The following RGPD2 variants were observed in gnomAD, a reference collection of about 807,000 sequenced individuals.
RGPD2 encodes RANBP2-like and GRIP domain-containing protein 2.
Under a neutral mutation model 36.0 loss-of-function variants are expected in RGPD2, and 2 were observed. The observed-to-expected ratio is 0.06, with a 90% CI of 0.02 to 0.17. RGPD2 has a LOEUF of 0.17. Among genes scored for constraint, RGPD2 ranks in the 10% least tolerant of loss-of-function variants. The probability of loss-of-function intolerance (pLI) is 1.00; values close to 1 mark genes in which losing one functional copy is unlikely to be tolerated. For synonymous variants in RGPD2, 19 were observed against 163.8 expected, an observed-to-expected ratio of 0.12 and a Z score of 6.75; for missense variants, 40 against 464.3, an observed-to-expected ratio of 0.09 and a Z score of 8.40.
chr2:87,977,664 T>C, the RGPD2 span, among the ~76,000 whole-genome samples: 1 of 149,402 alleles, frequency 6.7e-6, no homozygotes, highest in Non-Finnish European at 1.5e-5. Flanking sequence ...GAGAAAAAAA[T>C]TATGCATTCT....
chr2:87,936,401 TATC>T, the RGPD2 span, among the ~76,000 whole-genome samples: 1 of 136,058 alleles, frequency 7.3e-6, no homozygotes, highest in Non-Finnish European at 1.6e-5. Flanking sequence ...ATACAACCTA[TATC>T]ATCACTTTTA....
chr2:87,929,547 A>G, the RGPD2 span, among the ~76,000 whole-genome samples: 1 of 150,320 alleles, frequency 6.7e-6, no homozygotes, highest in South Asian at 2.1e-4. Flanking sequence ...TTGGCTATTC[A>G]GGCTCCTTTT....
the RGPD2 span, among the ~76,000 whole-genome samples, chr2:87,839,329 A>G: frequency 2.0e-5 from 3 of 152,178 alleles, no homozygotes; most frequent in African/African-American, 7.2e-5. Context: ...ATGAGATACC[A>G]TCTAATAACA....
chr2:87,825,751 G>C lies in RGPD2; in HGVS notation c.-22C>G, dbSNP rs762992824. On this transcript the variant is annotated 5_prime_UTR_variant, in exon 1 of 23. Coordinates refer to ENST00000398146, the MANE Select transcript of RGPD2 (RefSeq NM_001078170.3). ...TCATCGCACCGCCAACCTGGCTCCCGAGACGCGTGAAACCAGCGCTCAGCC... is the reference window on the plus strand; with the variant it reads ...TCATCGCACCGCCAACCTGGCTCCCCAGACGCGTGAAACCAGCGCTCAGCC... 5.0e-6 allele frequency: 8 copies of C among 1,585,886 alleles called. No individual in the cohort carries two copies. The highest frequency in any genetic ancestry group is 3.4e-5 in the South Asian group (3 of 87,342).
At chr2:87,930,595 GA>G in the RGPD2 span, among the ~76,000 whole-genome samples, 1 of 151,626 alleles carries the variant, frequency 6.6e-6, no homozygotes, top group Non-Finnish European at 1.5e-5. Context: ...ATGAGTTAGG[GA>G]GGAGTTTCTT....
At chr2:87,888,181 A>G in the RGPD2 span, among the ~76,000 whole-genome samples, 1 of 151,814 alleles carries the variant, frequency 6.6e-6, no homozygotes, top group Non-Finnish European at 1.5e-5. Flanking sequence ...TGCAACAGAA[A>G]CACATGAATG....
the RGPD2 span, among the ~76,000 whole-genome samples, chr2:87,977,858 G>A: frequency 2.0e-4 from 31 of 152,226 alleles, no homozygotes; most frequent in Non-Finnish European, 3.2e-4. Context: ...GCTCACGCCT[G>A]TAATCCCAAA....
chr2:87,827,171 GAAT>G (rs1342318917), upstream of RGPD2, among the ~76,000 whole-genome samples: 1 of 152,072 alleles, frequency 6.6e-6, no homozygotes, highest in Non-Finnish European at 1.5e-5. Context: ...GAGTTAAAAA[GAAT>G]AATGTGTGTA....
the RGPD2 span, among the ~76,000 whole-genome samples, chr2:87,951,643 G>T: frequency 2.6e-5 from 4 of 151,166 alleles, no homozygotes; most frequent in Non-Finnish European, 4.4e-5. Flanking sequence ...CCTGGCTGGA[G>T]TGCAATGGTG....
At chr2:87,870,598 C>T in the RGPD2 span, among the ~76,000 whole-genome samples, 28 of 152,164 alleles carry the variant, frequency 1.8e-4, no homozygotes, top group Admixed American at 9.8e-4. Context: ...TGACATTTGG[C>T]GACCCTACTC....
chr2:87,985,655 T>C, the RGPD2 span: 1 of 1,338,592 alleles, frequency 7.5e-7, no homozygotes, highest in Non-Finnish European at 1.1e-6. Context: ...GTAGTCTCAA[T>C]GTTATATTAC....
chr2:87,948,507 C>T, the RGPD2 span, among the ~76,000 whole-genome samples: 5 of 149,316 alleles, frequency 3.3e-5, no homozygotes, highest in African/African-American at 4.9e-5. Flanking sequence ...TCAGCCTCCC[C>T]GGTAGCTGGG....
the RGPD2 span, among the ~76,000 whole-genome samples, chr2:87,874,051 T>C: frequency 6.6e-6 from 1 of 151,640 alleles, no homozygotes; most frequent in African/African-American, 2.4e-5. Flanking sequence ...TCTGTTCATG[T>C]CCTTTGCCTA....
intron 1 of RGPD2, 97 bp downstream of exon 1, chr2:87,825,556 AGGTCG>A (rs1162222679): frequency 1.2e-6 from 1 of 839,602 alleles, no homozygotes; most frequent in Non-Finnish European, 1.4e-6. Context: ...CCGCCCGGCC[AGGTCG>A]AGGCCGCCGC....
the RGPD2 span, among the ~76,000 whole-genome samples, chr2:87,958,976 CTG>C: frequency 9.2e-6 from 1 of 108,508 alleles, no homozygotes; most frequent in East Asian, 2.7e-4. Context: ...TGTTTGTTAA[CTG>C]TAAATTTCCA....
the RGPD2 span, among the ~76,000 whole-genome samples, chr2:87,886,102 G>C: frequency 6.6e-6 from 1 of 151,718 alleles, no homozygotes; most frequent in African/African-American, 2.4e-5. Context: ...TAACATCTCT[G>C]AATTCATTAA....
the RGPD2 span, among the ~76,000 whole-genome samples, chr2:87,832,387 TA>T: frequency 6.6e-6 from 1 of 151,966 alleles, no homozygotes; most frequent in Non-Finnish European, 1.5e-5. Context: ...AGATGCTGTT[TA>T]AAAAGGACAA....
At chr2:87,921,352 T>C in the RGPD2 span, among the ~76,000 whole-genome samples, 1 of 152,122 alleles carries the variant, frequency 6.6e-6, no homozygotes, top group Non-Finnish European at 1.5e-5. Flanking sequence ...ATTCAATAGA[T>C]GAAGTGTGGT....
chr2:87,907,463 A>AAAAAAAAAAAGG, the RGPD2 span, among the ~76,000 whole-genome samples: 1 of 20,472 alleles, frequency 4.9e-5, no homozygotes, highest in African/African-American at 1.8e-4. Flanking sequence ...AAAAAAAAAA[A>AAAAAAAAAAAGG]GAATTGTGGG....
Sources: gnomAD v4.1 joint callset for allele counts (sites outside exome capture counted in the v4.1 genomes callset) on GRCh38, gnomAD v4.1.1 for gene constraint, MANE v1.5 for transcripts, NCBI Gene and HGNC (gene_info 2026-07-23, HGNC 2026-07-21) for gene names.